Variants in UBL7 observed in about 807,000 individuals in gnomAD.
The protein encoded by UBL7 is ubiquitin like 7, also known as ubiquitin-like protein 7.
A neutral mutation model predicts 41.7 loss-of-function variants in UBL7; 21 were observed. The ratio of observed to expected loss-of-function variants is 0.50; its 90% confidence interval spans 0.36 to 0.73. UBL7 has a LOEUF of 0.73. Among genes scored for constraint, UBL7 ranks in the 30% least tolerant of loss-of-function variants. The pLI is 0.00. For synonymous variants in UBL7, 157 were observed against 186.9 expected, an observed-to-expected ratio of 0.84 and a Z score of 1.31; for missense variants, 403 against 478.4, an observed-to-expected ratio of 0.84 and a Z score of 1.47.
intron 1 of UBL7, chr15:74,460,622 C>G: frequency 5.9e-6 from 7 of 1,187,324 alleles, no homozygotes; most frequent in Non-Finnish European, 6.6e-6. Context: ...TCTTGAATGC[C>G]CTTGAAAACA....
intron 7 of UBL7, 83 bp from the exon 8 acceptor site, chr15:74,449,758 A>G: frequency 6.3e-7 from 1 of 1,586,068 alleles, no homozygotes; most frequent in Non-Finnish European, 8.6e-7. Flanking sequence ...GTTACTCTCC[A>G]AATTCATATT....
At chr15:74,455,514 G>A (rs1034202937) in intron 3 of UBL7, among the ~76,000 whole-genome samples, 4 of 152,198 alleles carry the variant, frequency 2.6e-5, no homozygotes, top group Non-Finnish European at 5.9e-5. Context: ...AGGAAGATTT[G>A]TTAACAAGGG....
rs369233989 is a variant in UBL7, at chr15:74,449,249, G to C, written c.819C>G (p.Ala273=). The C allele has an allele frequency of 6.2e-7, 1 of 1,610,508 alleles. No homozygotes were observed. The highest frequency in any genetic ancestry group is 1.7e-5 in the Admixed American group (1 of 59,384). The change falls in exon 9 of 11, where the codon GCC becomes GCG. Residue 273 remains alanine (A), a synonymous_variant. Transcript: ENST00000395081. ...GPRPITQSEL[A]TALALASTPE... ...GAGTGCTGGCCAGGGCCAAGGCGGT[G>C]GCCAGCTCACTCTGGGTGATGGGCC...
intron 4 of UBL7, among the ~76,000 whole-genome samples, chr15:74,451,884 T>C (rs2061249558): frequency 6.6e-6 from 1 of 152,210 alleles, no homozygotes. Flanking sequence ...TACTATTTCA[T>C]ATTTGTATAT....
chr15:74,449,505 GC>G (rs1316709982), intron 8 of UBL7, 120 bp downstream of exon 8: 8 of 1,555,356 alleles, frequency 5.1e-6, no homozygotes, highest in South Asian at 1.1e-5. Flanking sequence ...CATGGTCTTG[GC>G]CCCCCAATGG....
chr15:74,458,421 CAAAACA>C (rs2061313480), intron 2 of UBL7, among the ~76,000 whole-genome samples: 1 of 152,024 alleles, frequency 6.6e-6, no homozygotes, highest in Admixed American at 6.6e-5. Context: ...GGCTACACAG[CAAAACA>C]AAAACAAAAA....
chr15:74,459,543 T>G (rs1344340020), intron 1 of UBL7, among the ~76,000 whole-genome samples: 6 of 151,236 alleles, frequency 4.0e-5, no homozygotes, highest in Non-Finnish European at 8.9e-5. Context: ...GGTCTCGATC[T>G]CCTGACCTCG....
At position 74,446,269 on chromosome 15, in the gene UBL7, C is replaced by G. The variant is rs1186415691; in HGVS notation, c.1006-42G>C. ...ATGGGCAGAAGCTGTTAGCTGGGAT[C>G]CAGTGAAGACTCACTTAGGTCTGTG... On this transcript the variant is annotated intron_variant, in intron 10 of 10. Transcript: ENST00000395081. This position sits in a 1 kb window ranked among gnomAD's most constrained non-coding sequence, Gnocchi z 4.1. 1 of 1,610,920 alleles carries G rather than the reference C, an allele frequency of 6.2e-7. No individual in the cohort carries two copies. The highest frequency in any genetic ancestry group is 1.7e-5 in the Admixed American group (1 of 59,842).
intron 9 of UBL7, 43 bp from the exon 10 acceptor site, chr15:74,448,643 C>A: frequency 6.2e-7 from 1 of 1,610,394 alleles, no homozygotes; most frequent in South Asian, 1.1e-5. Flanking sequence ...AGCGCCATCT[C>A]AATCTTATAG....
In UBL7 at chr15:74,458,897, C is replaced by G. The variant is rs1423009420; in HGVS notation, c.-29-1G>C. 2 of 1,603,266 alleles carry G rather than the reference C, an allele frequency of 1.2e-6. No individual in the cohort carries two copies. The highest frequency in any genetic ancestry group is 1.7e-6 in the Non-Finnish European group (2 of 1,179,570). On this transcript the variant is annotated splice_acceptor_variant, in intron 1 of 10. Coordinates refer to ENST00000395081, the MANE Select transcript of UBL7 (RefSeq NM_032907.5). LOFTEE classifies it low-confidence loss of function (5UTR_SPLICE). ...TCTCTTTCGCGCTCTCTCTTTCTCCCTGTAAAAGAACAAAACCTCAGTGGT... is the reference window on the plus strand; with the variant it reads ...TCTCTTTCGCGCTCTCTCTTTCTCCGTGTAAAAGAACAAAACCTCAGTGGT...
intron 2 of UBL7, among the ~76,000 whole-genome samples, chr15:74,457,371 C>T (rs190854736): frequency 2.0e-5 from 3 of 152,138 alleles, no homozygotes; most frequent in Non-Finnish European, 2.9e-5. Flanking sequence ...TGGTAAACCT[C>T]GTCTCTACCA....
Position 74,449,522 on chromosome 15 carries a change from G to A in UBL7, c.714+104C>T, listed in dbSNP as rs116173650. The A allele has an allele frequency of 1.2e-3, 1,893 of 1,579,874 alleles. 19 individuals are homozygous for A. In the African/African-American group the frequency reaches 0.023, roughly 19 times the overall value. ...TGGTCTTGGCCCCCCAATGGCGTAT[G>A]TCCATCTCCCAGCCTTGGGAGTGCC... On this transcript the variant is annotated intron_variant, in intron 8 of 10. Coordinates refer to ENST00000395081, the MANE Select transcript of UBL7 (RefSeq NM_032907.5).
At position 74,446,509 on chromosome 15, in the gene UBL7, ACTTT is replaced by A. The variant is rs2061185251; in HGVS notation, c.1006-286_1006-283del. Among the ~76,000 whole-genome samples the A allele has an allele frequency of 6.6e-6, 1 of 152,212 alleles. No homozygotes were observed. Among genetic ancestry groups the A allele is most frequent in the Non-Finnish European group, 1.5e-5 (1 of 68,032 alleles). On this transcript the variant is annotated intron_variant, in intron 10 of 10. Transcript: ENST00000395081. This position sits in a 1 kb window ranked among gnomAD's most constrained non-coding sequence, Gnocchi z 4.1. ...TGTCTGAATTCCAAGAGGCTAAATT[ACTTT>A]CTTTCTCTTGCTATGTGTACACACA...
intron 6 of UBL7, 47 bp from the exon 7 acceptor site, chr15:74,450,116 C>A: frequency 3.9e-6 from 6 of 1,557,542 alleles, no homozygotes; most frequent in Non-Finnish European, 5.2e-6. Context: ...CAAAAGAGCA[C>A]CCTCAGCCAT....
At position 74,449,611 on chromosome 15, in the gene UBL7, A is replaced by C; in HGVS notation, c.714+15T>G. On this transcript the variant is annotated intron_variant, in intron 8 of 10. Transcript: ENST00000395081. ...CCACATGTCAGCATGTCAGGCAGGC[A>C]GGCAGGCCACTTACTGGGTGAAAGT... 1 of 1,614,096 alleles carries C rather than the reference A, an allele frequency of 6.2e-7. No individual in the cohort carries two copies. Among genetic ancestry groups the C allele is most frequent in the South Asian group, 1.1e-5 (1 of 91,070 alleles).
Position 74,460,747 on chromosome 15 carries a change from T to G in UBL7, c.-30+290A>C, listed in dbSNP as rs530873016. The G allele has an allele frequency of 2.3e-6, 3 of 1,286,572 alleles. No homozygotes were observed. In the East Asian group the frequency reaches 1.7e-4, roughly 71 times the overall value. 79.7% of individuals were successfully genotyped at this position (1,286,572 alleles called of 1,614,324 possible). On this transcript the variant is annotated intron_variant, in intron 1 of 10. Coordinates refer to ENST00000395081, the MANE Select transcript of UBL7 (RefSeq NM_032907.5). ...CTTGCAAAGCAAGATAAGTTCTTGT[T>G]ATAGTCATCATTATTGCTTCCAAAG... is the stretch of plus-strand genomic sequence containing the variant.
chr15:74,453,360 AT>A (rs1229529123), intron 3 of UBL7, among the ~76,000 whole-genome samples: 2 of 152,140 alleles, frequency 1.3e-5, no homozygotes, highest in Non-Finnish European at 1.5e-5. Context: ...CAAATACACA[AT>A]TACAAAATGC....
intron 2 of UBL7, among the ~76,000 whole-genome samples, chr15:74,457,032 T>G (rs1219700875): frequency 6.6e-6 from 1 of 152,162 alleles, no homozygotes; most frequent in Non-Finnish European, 1.5e-5. Flanking sequence ...ACTAGTCTCT[T>G]AACTCCTGGG....
chr15:74,453,158 A>G (rs1053659085), intron 3 of UBL7, among the ~76,000 whole-genome samples: 1 of 152,236 alleles, frequency 6.6e-6, no homozygotes, highest in African/African-American at 2.4e-5. Context: ...CCACATCCTT[A>G]TCGACAGTCC....
Sources: gnomAD v4.1 joint callset for allele counts (sites outside exome capture counted in the v4.1 genomes callset) on GRCh38, gnomAD v4.1.1 for gene constraint, Gnocchi (gnomAD v3.1) non-coding constraint, MANE v1.5 for transcripts, NCBI Gene and HGNC (gene_info 2026-07-23, HGNC 2026-07-21) for gene names.